MRTFB: variants seen among roughly 807,000 people sequenced by gnomAD.
MRTFB encodes myocardin related transcription factor B, also known as myocardin-related transcription factor B.
Under a neutral mutation model 104.2 loss-of-function variants are expected in MRTFB, and 29 were observed. The observed-to-expected ratio is 0.28, with a 90% CI of 0.21 to 0.38. MRTFB has a LOEUF of 0.38. MRTFB is among the 10% of genes least tolerant of loss of function. The probability of loss-of-function intolerance (pLI) is 1.00; values close to 1 mark genes in which losing one functional copy is unlikely to be tolerated. For missense variants in MRTFB, 1,270 were observed against 1,341.6 expected (o/e 0.95, Z 0.83); for synonymous variants, 535 against 519.5 (o/e 1.03, Z -0.41).
chr16:14,021,870 G>T, the MRTFB span, among the ~76,000 whole-genome samples: 3 of 152,144 alleles, frequency 2.0e-5, no homozygotes, highest in Non-Finnish European at 2.9e-5. Context: ...GAATCGTGCT[G>T]CTATAGACAT....
chr16:14,175,390 G>A (rs2039547019), intron 3 of MRTFB, among the ~76,000 whole-genome samples: 2 of 152,042 alleles, frequency 1.3e-5, no homozygotes, highest in African/African-American at 4.8e-5. Flanking sequence ...TGTTCTTTTT[G>A]TCTGCTTCAT....
intron 10 of MRTFB, among the ~76,000 whole-genome samples, chr16:14,243,012 AT>A (rs1423415382): frequency 6.6e-6 from 1 of 152,202 alleles, no homozygotes; most frequent in Admixed American, 6.5e-5. Flanking sequence ...CACATGCTTT[AT>A]CTCTGTGGTG....
chr16:14,229,811 G>A (rs2042177086), intron 8 of MRTFB, among the ~76,000 whole-genome samples: 1 of 152,010 alleles, frequency 6.6e-6, no homozygotes, highest in African/African-American at 2.4e-5. Context: ...TCTTGTATGG[G>A]TTTCTGATGA....
chr16:14,157,986 G>A (rs2038889098), intron 3 of MRTFB, among the ~76,000 whole-genome samples: 1 of 152,164 alleles, frequency 6.6e-6, no homozygotes, highest in Non-Finnish European at 1.5e-5. Context: ...TGGTTTTAAT[G>A]TGTTATTGCA....
chr16:14,245,187 G>A (rs970535267), intron 10 of MRTFB, among the ~76,000 whole-genome samples: 6 of 152,184 alleles, frequency 3.9e-5, no homozygotes, highest in African/African-American at 9.7e-5. Context: ...CTGTTGTTCT[G>A]TCCCTGTATC....
chr16:14,025,290 C>T, the MRTFB span, among the ~76,000 whole-genome samples: 1 of 152,178 alleles, frequency 6.6e-6, no homozygotes, highest in Admixed American at 6.5e-5. Context: ...AAGTGATCCT[C>T]CCATCTTAGC....
chr16:14,048,130 A>G, the MRTFB span, among the ~76,000 whole-genome samples: 1 of 152,208 alleles, frequency 6.6e-6, no homozygotes, highest in African/African-American at 2.4e-5. Context: ...TGCAAGTTCA[A>G]AATCCAACGG....
chr16:14,258,045 A>C, intron 15 of MRTFB, 56 bp from the exon 16 acceptor site: 1 of 1,452,650 alleles, frequency 6.9e-7, no homozygotes, highest in South Asian at 1.2e-5. Context: ...TGCTAATTAT[A>C]TAATGCTTCC....
At chr16:14,042,248 C>T in the MRTFB span, among the ~76,000 whole-genome samples, 1 of 152,080 alleles carries the variant, frequency 6.6e-6, no homozygotes, top group Admixed American at 6.5e-5. Context: ...GCCTCAGCCT[C>T]CCAAGTAGCT....
At chr16:14,172,521 G>C (rs1187889885) in intron 3 of MRTFB, among the ~76,000 whole-genome samples, 1 of 152,144 alleles carries the variant, frequency 6.6e-6, no homozygotes, top group African/African-American at 2.4e-5. Flanking sequence ...AATGATGTCA[G>C]AGATTTATCT....
intron 15 of MRTFB, among the ~76,000 whole-genome samples, chr16:14,257,472 G>C (rs1804911947): frequency 6.6e-6 from 1 of 151,706 alleles, no homozygotes; most frequent in African/African-American, 2.4e-5. Context: ...AATTATGCTG[G>C]GTGAAAGAAG....
At chr16:14,015,506 C>G in the MRTFB span, among the ~76,000 whole-genome samples, 1 of 152,126 alleles carries the variant, frequency 6.6e-6, no homozygotes, top group African/African-American at 2.4e-5. Flanking sequence ...GAAAGCCCCT[C>G]AACACACCGG....
the MRTFB span, among the ~76,000 whole-genome samples, chr16:14,001,198 T>C: frequency 6.6e-6 from 1 of 152,200 alleles, no homozygotes; most frequent in Non-Finnish European, 1.5e-5. Flanking sequence ...CCTCACTGGA[T>C]TACATGAAAG....
intron 1 of MRTFB, among the ~76,000 whole-genome samples, chr16:14,079,025 C>T (rs187339732): frequency 2.4e-4 from 36 of 152,232 alleles, no homozygotes; most frequent in African/African-American, 7.7e-4. Context: ...GCCTAGCACC[C>T]GAACTCTTAG....
chr16:14,261,169 T>G lies in MRTFB; in HGVS notation c.3025T>G (p.Phe1009Val). The G allele has an allele frequency of 6.2e-7, 1 of 1,614,186 alleles. No individual in the cohort carries two copies. The highest frequency in any genetic ancestry group is 8.5e-7 in the Non-Finnish European group (1 of 1,180,026). Residue 1009 changes from phenylalanine to valine, a missense_variant, in exon 17 of 17, where the codon TTC becomes GTC. Transcript: ENST00000571589. ...LQSSSEDREP[F>V]SLIEDLQNDL... is the part of the protein sequence containing the mutation. ...AAGCAGCAGTGAAGACAGAGAGCCC[T>G]TCTCTCTGATCGAGGACCTCCAGAA... is the stretch of plus-strand genomic sequence containing the variant.
chr16:14,050,261 A>G, the MRTFB span, among the ~76,000 whole-genome samples: 1 of 152,244 alleles, frequency 6.6e-6, no homozygotes. Context: ...AGTTCTTGCA[A>G]CTTTTTCTGT....
At position 14,187,066 on chromosome 16, in the gene MRTFB, G is replaced by A. The variant is rs763032556; in HGVS notation, c.155-23177G>A. The A allele has an allele frequency of 4.5e-6, 7 of 1,565,614 alleles. 1 individual carries two copies. The African/African-American group carries it at 8.1e-5, about 18-fold the overall frequency. On this transcript the variant is annotated intron_variant, in intron 3 of 16. Coordinates refer to ENST00000571589, the MANE Select transcript of MRTFB (RefSeq NM_001308142.2). ...TCTGTCTGTGGACAGGGGCAAAACT[G>A]CCAAATTCATATTCTGGTCAGCCAG...
intron 3 of MRTFB, among the ~76,000 whole-genome samples, chr16:14,162,147 C>G (rs1298638150): frequency 9.4e-6 from 1 of 106,482 alleles, no homozygotes; most frequent in East Asian, 3.8e-4. Flanking sequence ...GAGACCCTGT[C>G]TCTACAAAAA....
intron 3 of MRTFB, chr16:14,144,207 A>G (rs2142654210): frequency 6.6e-6 from 1 of 152,342 alleles, no homozygotes; most frequent in Middle Eastern, 3.4e-3. Flanking sequence ...GAGTAAATGA[A>G]AGAACATCTC....
Sources: allele counts gnomAD v4.1 joint callset (sites outside exome capture counted in the v4.1 genomes callset), GRCh38; gene constraint gnomAD v4.1.1; transcripts MANE v1.5; gene names NCBI Gene and HGNC (gene_info 2026-07-23, HGNC 2026-07-21).